SOX5: variants seen among roughly 807,000 people sequenced by gnomAD.
The protein encoded by SOX5 is SRY-box transcription factor 5.
Under a neutral mutation model 92.0 loss-of-function variants are expected in SOX5, and 9 were observed. The ratio of observed to expected loss-of-function variants is 0.10; its 90% CI spans 0.06 to 0.17. The LOEUF (loss-of-function observed/expected upper bound fraction) is 0.17, where lower values mean the gene tolerates loss of function less well. Ranked by LOEUF, SOX5 falls within the 10% of genes least tolerant of loss-of-function variation. The pLI is 1.00. For synonymous variants in SOX5, 344 were observed against 336.3 expected (o/e 1.02, Z -0.25); for missense variants, 642 against 944.5 (o/e 0.68, Z 4.20).
chr12:24,084,426 T>C (rs1387295764), intron 4 of SOX5, among the ~76,000 whole-genome samples: 1 of 152,116 alleles, frequency 6.6e-6, no homozygotes, highest in Non-Finnish European at 1.5e-5. Flanking sequence ...ATTTCATATC[T>C]TGAGTATCTC....
intron 1 of SOX5, among the ~76,000 whole-genome samples, chr12:24,537,086 C>T (rs1027187934): frequency 6.6e-6 from 1 of 152,178 alleles, no homozygotes; most frequent in Non-Finnish European, 1.5e-5. Context: ...GAATTCATAT[C>T]TCTGGAGACA....
At chr12:24,077,255 G>T (rs1942742023) in intron 4 of SOX5, among the ~76,000 whole-genome samples, 1 of 151,972 alleles carries the variant, frequency 6.6e-6, no homozygotes. Context: ...ACTGACTCTG[G>T]TGCTTTCCCC....
chr12:23,870,499 T>A (rs2096861047), intron 2 of SOX5, among the ~76,000 whole-genome samples: 1 of 152,112 alleles, frequency 6.6e-6, no homozygotes, highest in African/African-American at 2.4e-5. Context: ...CCAACTCTAT[T>A]CTTTTTTCTA....
chr12:23,982,735 T>C, intron 4 of SOX5, among the ~76,000 whole-genome samples: 1 of 151,994 alleles, frequency 6.6e-6, no homozygotes, highest in Admixed American at 6.6e-5. Context: ...AAGGTGAAAA[T>C]AATTTTAATA....
chr12:24,101,348 A>G (rs749564069), intron 4 of SOX5, among the ~76,000 whole-genome samples: 3 of 152,060 alleles, frequency 2.0e-5, no homozygotes, highest in Non-Finnish European at 2.9e-5. Flanking sequence ...TTCCTCTACA[A>G]TTCCTGTGAA....
chr12:24,422,204 T>G (rs1966030154), intron 1 of SOX5, among the ~76,000 whole-genome samples: 1 of 152,186 alleles, frequency 6.6e-6, no homozygotes, highest in Admixed American at 6.5e-5. Flanking sequence ...ATATCATGAG[T>G]AGTGTCTCAT....
At chr12:24,197,920 T>C (rs553618103) in intron 4 of SOX5, among the ~76,000 whole-genome samples, 4 of 152,256 alleles carry the variant, frequency 2.6e-5, no homozygotes, top group African/African-American at 7.2e-5. Flanking sequence ...CCACTTATCA[T>C]TGTATGCTCT....
intron 6 of SOX5, among the ~76,000 whole-genome samples, chr12:23,682,326 C>T (rs540443913): frequency 4.6e-5 from 7 of 151,782 alleles, no homozygotes; most frequent in East Asian, 1.9e-4. Flanking sequence ...AGTGGTTTTG[C>T]CTTTAACTTT....
At chr12:23,670,637 TGGGTAGGGAAA>T (rs1429850054) in intron 6 of SOX5, among the ~76,000 whole-genome samples, 1 of 151,964 alleles carries the variant, frequency 6.6e-6, no homozygotes, top group Non-Finnish European at 1.5e-5. Flanking sequence ...ATGTGCTTTA[TGGGTAGGGAAA>T]GGGGAAGGTA....
At chr12:24,061,182 G>A (rs897890327) in intron 4 of SOX5, among the ~76,000 whole-genome samples, 3 of 151,884 alleles carry the variant, frequency 2.0e-5, no homozygotes. Flanking sequence ...GGATAAAAAA[G>A]GACGAAGAGA....
intron 2 of SOX5, among the ~76,000 whole-genome samples, chr12:23,884,457 A>G (rs1217614717): frequency 2.6e-5 from 4 of 152,184 alleles, no homozygotes; most frequent in African/African-American, 9.7e-5. Flanking sequence ...CTATTATTCT[A>G]AAAACAGTAA....
chr12:24,037,956 A>C (rs752526693), intron 4 of SOX5, among the ~76,000 whole-genome samples: 3 of 152,188 alleles, frequency 2.0e-5, no homozygotes, highest in Non-Finnish European at 2.9e-5. Context: ...CGCATTAAAA[A>C]ATCATGCATG....
chr12:24,074,630 C>CAAAAAAAAAAAAAAAAAAAAAAAAA (rs76320418), intron 4 of SOX5, among the ~76,000 whole-genome samples: 2 of 51,274 alleles, frequency 3.9e-5, no homozygotes, highest in Non-Finnish European at 7.0e-5. Context: ...TGTAAACTAC[C>CAAAAAAAAAAAAAAAAAAAAAAAAA]AAAAAAAAAA....
chr12:23,570,930 A>AATAT (rs1164831816), intron 10 of SOX5, among the ~76,000 whole-genome samples: 1 of 19,938 alleles, frequency 5.0e-5, no homozygotes, highest in African/African-American at 2.0e-4. Flanking sequence ...AAAAAAAAAA[A>AATAT]ATATATATAT....
intron 1 of SOX5, among the ~76,000 whole-genome samples, chr12:24,525,237 A>G (rs1310604380): frequency 6.6e-6 from 1 of 152,238 alleles, no homozygotes; most frequent in Non-Finnish European, 1.5e-5. Flanking sequence ...AATATGCAAA[A>G]ACATAAATGA....
chr12:24,035,434 A>G (rs755807025), intron 4 of SOX5, among the ~76,000 whole-genome samples: 2 of 152,106 alleles, frequency 1.3e-5, no homozygotes, highest in African/African-American at 4.8e-5. Context: ...TAAAAACTGG[A>G]TTTCCTAACA....
In SOX5 at chr12:24,147,064, A is replaced by G. The variant is rs150156650; in HGVS notation, c.-2+66279T>C. On this transcript the variant is annotated intron_variant, in intron 4 of 4. Coordinates refer to the SOX5 transcript ENST00000446891. ...CTGCTAATCACTTAAGAAAGAAAAA[A>G]GTAACAATTTCTACACAAATTCTTT... is the stretch of plus-strand genomic sequence containing the variant. Among the ~76,000 whole-genome samples, 25 of 152,310 alleles carry G rather than the reference A, an allele frequency of 1.6e-4. 1 individual carries two copies. The East Asian group carries it at 4.2e-3, about 26-fold the overall frequency.
intron 4 of SOX5, among the ~76,000 whole-genome samples, chr12:24,176,661 C>T (rs1216651531): frequency 6.6e-6 from 1 of 152,184 alleles, no homozygotes; most frequent in Non-Finnish European, 1.5e-5. Flanking sequence ...CAGTCCACTG[C>T]TACATCCAAG....
chr12:24,473,000 A>C (rs1944969485), intron 1 of SOX5, among the ~76,000 whole-genome samples: 1 of 152,144 alleles, frequency 6.6e-6, no homozygotes, highest in Non-Finnish European at 1.5e-5. Flanking sequence ...TCTGATTTTA[A>C]CCTCTACAAA....
Sources: allele counts gnomAD v4.1 joint callset (sites outside exome capture counted in the v4.1 genomes callset), GRCh38; gene constraint gnomAD v4.1.1; transcripts MANE v1.5; gene names NCBI Gene and HGNC (gene_info 2026-07-23, HGNC 2026-07-21).